Variants in SBF2 observed in about 807,000 individuals in gnomAD.
SBF2 encodes SET binding factor 2, also known as myotubularin-related protein 13.
SBF2 carries 112 observed loss-of-function variants against 225.2 expected under a neutral mutation model. That is an observed-to-expected ratio of 0.50 (90% CI 0.43 to 0.58). The LOEUF (loss-of-function observed/expected upper bound fraction) is 0.58, where lower values mean the gene tolerates loss of function less well. SBF2 is among the 20% of genes least tolerant of loss of function. The pLI is 0.00. For missense variants in SBF2, 1,996 were observed against 2,206.2 expected (o/e 0.90, Z 1.91); for synonymous variants, 763 against 773.3 (o/e 0.99, Z 0.22).
At chr11:10,196,640 A>C (rs1211056334) in intron 1 of SBF2, among the ~76,000 whole-genome samples, 1 of 151,744 alleles carries the variant, frequency 6.6e-6, no homozygotes, top group South Asian at 2.1e-4. Flanking sequence ...CAGCCTCCCA[A>C]AGTGCTAGGA....
intron 16 of SBF2, among the ~76,000 whole-genome samples, chr11:9,923,501 A>G (rs1863791644): frequency 6.6e-6 from 1 of 152,228 alleles, no homozygotes; most frequent in Admixed American, 6.5e-5. Flanking sequence ...CATCACGGCC[A>G]CTGTTTACTA....
chr11:10,027,881 T>C (rs2134624207), intron 6 of SBF2, among the ~76,000 whole-genome samples: 1 of 152,258 alleles, frequency 6.6e-6, no homozygotes, highest in Middle Eastern at 3.4e-3. Flanking sequence ...CAAAAGCAGT[T>C]CATCTATGGA....
chr11:9,979,144 C>T (rs1249963086), intron 13 of SBF2, among the ~76,000 whole-genome samples: 1 of 152,176 alleles, frequency 6.6e-6, no homozygotes, highest in Non-Finnish European at 1.5e-5. Flanking sequence ...GATTTAATCA[C>T]TTAAGAGTCA....
Position 10,224,706 on chromosome 11 carries a change from T to C in SBF2, c.56-30719A>G, listed in dbSNP as rs185306609. On this transcript the variant is annotated intron_variant, in intron 1 of 39. Transcript: ENST00000256190. The stretch of plus-strand genomic sequence containing the variant: ...TTCGAATTCTTCACATGTTAGTTTG[T>C]ATGTCACCTCTTCAGAGTACCTACC... 3.8e-3 allele frequency among the ~76,000 whole-genome samples: 579 copies of C among 152,306 alleles called. 4 individuals carry two copies. Among genetic ancestry groups the C allele is most frequent in the South Asian group, 5.4e-3 (26 of 4,830 alleles).
chr11:9,878,941 C>T lies in SBF2; in HGVS notation c.1929+17002G>A, dbSNP rs144091925. Among the ~76,000 whole-genome samples the T allele has an allele frequency of 4.7e-4, 71 of 152,292 alleles. 1 individual carries two copies. In the South Asian group the frequency reaches 4.8e-3, roughly 10 times the overall value. Reference sequence around the variant, plus strand: ...TGAAAGTGACCCCTCTTTATCTTTACGTCTCTCTTATCATGTAAAAATCTA... The same window carrying T: ...TGAAAGTGACCCCTCTTTATCTTTATGTCTCTCTTATCATGTAAAAATCTA... On this transcript the variant is annotated intron_variant, in intron 17 of 39. Coordinates refer to ENST00000256190, the MANE Select transcript of SBF2 (RefSeq NM_030962.4).
chr11:10,217,422 AACAC>A (rs950053807), intron 1 of SBF2, among the ~76,000 whole-genome samples: 2 of 152,212 alleles, frequency 1.3e-5, no homozygotes, highest in African/African-American at 4.8e-5. Context: ...ACAAAAACAA[AACAC>A]ACACACTCAA....
chr11:10,133,691 C>CGG lies in SBF2; in HGVS notation c.141+60210_141+60211insCC, dbSNP rs1263193107. ...CGGTTCCCGCTCATGCCTCTCCCTC[C>CGG]ACACCTCCCTGCAAGCTGAGGGAGT... On this transcript the variant is annotated intron_variant, in intron 2 of 39. Coordinates refer to ENST00000256190, the MANE Select transcript of SBF2 (RefSeq NM_030962.4). Among the ~76,000 whole-genome samples, 14 of 151,418 alleles carry CGG rather than the reference C, an allele frequency of 9.2e-5. No individual in the cohort carries two copies. The Admixed American group carries it at 9.2e-4, about 10-fold the overall frequency.
At chr11:10,143,895 A>G (rs965603883) in intron 2 of SBF2, among the ~76,000 whole-genome samples, 2 of 151,588 alleles carry the variant, frequency 1.3e-5, no homozygotes, top group African/African-American at 4.8e-5. Context: ...TTTTTTTTGT[A>G]TTTTTAGTAG....
At chr11:9,836,033 T>G (rs964149393) in intron 26 of SBF2, among the ~76,000 whole-genome samples, 1 of 152,178 alleles carries the variant, frequency 6.6e-6, no homozygotes. Context: ...TGTTTAAATG[T>G]TTAGACAGCA....
At chr11:10,193,874 A>G in intron 2 of SBF2, 28 bp downstream of exon 2, 2 of 1,408,996 alleles carry the variant, frequency 1.4e-6, no homozygotes, top group African/African-American at 1.4e-5. Context: ...TAACATTATA[A>G]ATATGCAATA....
intron 33 of SBF2, chr11:9,790,944 C>T (rs1009567322): frequency 5.9e-6 from 2 of 341,456 alleles, no homozygotes; most frequent in South Asian, 6.3e-5. Flanking sequence ...CATGACTCTT[C>T]CAACCCTCAT....
At chr11:10,197,800 T>A (rs990121602) in intron 1 of SBF2, among the ~76,000 whole-genome samples, 1 of 152,258 alleles carries the variant, frequency 6.6e-6, no homozygotes, top group African/African-American at 2.4e-5. Context: ...TTCAATGAAA[T>A]TCACAGCATC....
intron 17 of SBF2, among the ~76,000 whole-genome samples, chr11:9,871,063 A>G (rs949708893): frequency 6.6e-6 from 1 of 152,162 alleles, no homozygotes; most frequent in Non-Finnish European, 1.5e-5. Flanking sequence ...AATCTAGGCA[A>G]TACTTTTCAG....
intron 17 of SBF2, among the ~76,000 whole-genome samples, chr11:9,876,403 A>T (rs1309946841): frequency 6.6e-6 from 1 of 152,076 alleles, no homozygotes; most frequent in Admixed American, 6.6e-5. Flanking sequence ...CCCTATCTCC[A>T]TCCAGCGTGC....
chr11:9,872,785 G>A (rs1472933973), intron 17 of SBF2, among the ~76,000 whole-genome samples: 1 of 152,072 alleles, frequency 6.6e-6, no homozygotes, highest in East Asian at 1.9e-4. Context: ...GGAGGTTGAG[G>A]CAAGTAGATC....
At chr11:10,105,626 A>T (rs1448713307) in intron 2 of SBF2, among the ~76,000 whole-genome samples, 1 of 152,230 alleles carries the variant, frequency 6.6e-6, no homozygotes, top group Non-Finnish European at 1.5e-5. Flanking sequence ...TTTAGAGAAT[A>T]TCCAGTGTAA....
In SBF2 at chr11:10,039,932, C is replaced by CA. The variant is rs374593215; in HGVS notation, c.279+2911dup. On this transcript the variant is annotated intron_variant, in intron 3 of 39. Coordinates refer to ENST00000256190, the MANE Select transcript of SBF2 (RefSeq NM_030962.4). ...CCATTAATGATTTACATATTATTGA[C>CA]AAAAAAAAAACCTGAATCCATGTAT... Among the ~76,000 whole-genome samples, 770 of 144,344 alleles carry CA rather than the reference C, an allele frequency of 5.3e-3. 6 individuals carry two copies. Among genetic ancestry groups the CA allele is most frequent in the Middle Eastern group, 0.014 (4 of 284 alleles). The allele number at this position is 144,344 out of a possible 152,430, so 94.7% of individuals were successfully genotyped here. A position where few individuals can be genotyped will look rare whatever the true frequency, so the allele number is the denominator to read the frequency against.
At chr11:10,255,534 C>T (rs1960793550) in intron 1 of SBF2, among the ~76,000 whole-genome samples, 1 of 152,166 alleles carries the variant, frequency 6.6e-6, no homozygotes, top group Non-Finnish European at 1.5e-5. Flanking sequence ...ACATTATCCT[C>T]CAGATATTCG....
At chr11:10,080,769 A>C (rs1035884887) in intron 2 of SBF2, among the ~76,000 whole-genome samples, 4 of 152,184 alleles carry the variant, frequency 2.6e-5, no homozygotes, top group African/African-American at 7.2e-5. Context: ...GGGTAAAAAA[A>C]CATATTCCAT....
Sources: allele counts gnomAD v4.1 joint callset (sites outside exome capture counted in the v4.1 genomes callset), GRCh38; gene constraint gnomAD v4.1.1; transcripts MANE v1.5; gene names NCBI Gene and HGNC (gene_info 2026-07-23, HGNC 2026-07-21).